The following CCDC169 variants were observed in gnomAD, a reference collection of about 807,000 sequenced individuals.
CCDC169 encodes coiled-coil domain-containing protein 169.
CCDC169 carries 30 observed loss-of-function variants against 36.0 expected under a neutral mutation model. The observed-to-expected ratio is 0.83, with a 90% CI of 0.62 to 1.13. The LOEUF (loss-of-function observed/expected upper bound fraction) is 1.13. Among genes scored for constraint, CCDC169 ranks in the 50% most tolerant of loss-of-function variants. The probability of loss-of-function intolerance (pLI) is 0.00; values close to 1 mark genes in which losing one functional copy is unlikely to be tolerated. For synonymous variants in CCDC169, 85 were observed against 81.5 expected, an observed-to-expected ratio of 1.04 and a Z score of -0.23; for missense variants, 245 against 245.9, an observed-to-expected ratio of 1.00 and a Z score of 0.03.
chr13:36,260,293 C>T (rs1874459645), intron 4 of CCDC169, among the ~76,000 whole-genome samples: 1 of 152,098 alleles, frequency 6.6e-6, no homozygotes, highest in South Asian at 2.1e-4. Flanking sequence ...GAGGTACAGG[C>T]AAAGACATTT....
intron 7 of CCDC169, among the ~76,000 whole-genome samples, chr13:36,243,065 A>T (rs1367473435): frequency 6.6e-6 from 1 of 152,234 alleles, no homozygotes; most frequent in Non-Finnish European, 1.5e-5. Context: ...TCATCCTGCC[A>T]GAGGAAGAAA....
At chr13:36,233,657 T>C (rs142836511) in intron 7 of CCDC169, among the ~76,000 whole-genome samples, 27 of 152,214 alleles carry the variant, frequency 1.8e-4, no homozygotes, top group African/African-American at 6.5e-4. Context: ...AAAAAGAATA[T>C]AAATGCAATG....
intron 7 of CCDC169, among the ~76,000 whole-genome samples, chr13:36,232,957 A>G (rs1469244414): frequency 1.3e-5 from 2 of 152,172 alleles, no homozygotes; most frequent in Non-Finnish European, 2.9e-5. Flanking sequence ...GCCCATACAC[A>G]TGTGTAACTG....
At chr13:36,275,986 C>T (rs1004683206) in intron 4 of CCDC169, among the ~76,000 whole-genome samples, 10 of 152,118 alleles carry the variant, frequency 6.6e-5, no homozygotes, top group African/African-American at 2.4e-4. Flanking sequence ...AAACAATGGC[C>T]CGATGGTTTA....
chr13:36,279,255 A>G (rs566218400), intron 4 of CCDC169, among the ~76,000 whole-genome samples: 1 of 152,164 alleles, frequency 6.6e-6, no homozygotes, highest in South Asian at 2.1e-4. Flanking sequence ...AAATATTTCA[A>G]TAGCTTCTTA....
chr13:36,255,924 C>A (rs966079594), intron 4 of CCDC169, among the ~76,000 whole-genome samples: 4 of 152,202 alleles, frequency 2.6e-5, no homozygotes, highest in Non-Finnish European at 5.9e-5. Context: ...TAGTCTCTTA[C>A]CACCCTTGAC....
chr13:36,266,915 A>G (rs1192425281), intron 4 of CCDC169, among the ~76,000 whole-genome samples: 2 of 152,196 alleles, frequency 1.3e-5, no homozygotes, highest in African/African-American at 2.4e-5. Flanking sequence ...TCGTATCACT[A>G]TCCATACTCC....
chr13:36,282,537 T>C (rs1412794473), intron 4 of CCDC169: 5 of 985,166 alleles, frequency 5.1e-6, no homozygotes, highest in Non-Finnish European at 6.0e-6. Flanking sequence ...GTCCAGAGAA[T>C]AGAGAGGACC....
At chr13:36,241,549 A>G (rs1871818799) in intron 7 of CCDC169, among the ~76,000 whole-genome samples, 1 of 145,778 alleles carries the variant, frequency 6.9e-6, no homozygotes, top group African/African-American at 2.6e-5. Context: ...AGAATTATCC[A>G]TAATGTTGTA....
At chr13:36,242,799 C>T (rs879407876) in intron 7 of CCDC169, among the ~76,000 whole-genome samples, 4 of 152,140 alleles carry the variant, frequency 2.6e-5, no homozygotes, top group South Asian at 2.1e-4. Context: ...CCACCTACCT[C>T]GATGCACCAG....
intron 7 of CCDC169, among the ~76,000 whole-genome samples, chr13:36,232,886 A>T (rs1870601846): frequency 6.6e-6 from 1 of 152,128 alleles, no homozygotes; most frequent in Non-Finnish European, 1.5e-5. Context: ...TGTCTCTAAA[A>T]AAAAGGAAAA....
At chr13:36,252,039 G>A (rs1458840632) in intron 6 of CCDC169, among the ~76,000 whole-genome samples, 1 of 152,176 alleles carries the variant, frequency 6.6e-6, no homozygotes, top group Non-Finnish European at 1.5e-5. Flanking sequence ...GGTAGTAAGT[G>A]CAGAGCTGGG....
intron 7 of CCDC169, among the ~76,000 whole-genome samples, chr13:36,243,090 GTCATGGATAAA>G (rs1473446066): frequency 1.3e-5 from 2 of 152,210 alleles, no homozygotes; most frequent in African/African-American, 4.8e-5. Flanking sequence ...CCATACTTGA[GTCATGGATAAA>G]TCAGCTTGGT....
chr13:36,261,939 A>G (rs1874660424), intron 4 of CCDC169, among the ~76,000 whole-genome samples: 1 of 152,180 alleles, frequency 6.6e-6, no homozygotes. Flanking sequence ...TTTACTCTAA[A>G]TCTGCTTAGG....
At chr13:36,223,052 C>T (rs903504372), downstream of CCDC169, 1 of 152,148 alleles carries the variant, frequency 6.6e-6, no homozygotes, top group Admixed American at 6.5e-5. Context: ...GCTCATTGAA[C>T]ACCATGCAAT....
intron 4 of CCDC169, among the ~76,000 whole-genome samples, chr13:36,257,800 C>T (rs1461920689): frequency 6.6e-6 from 1 of 152,170 alleles, no homozygotes; most frequent in Admixed American, 6.5e-5. Flanking sequence ...CAGTAGCTAG[C>T]CAGTGCCCAG....
chr13:36,251,999 GAAGGAAATT>G (rs886883405), intron 6 of CCDC169, among the ~76,000 whole-genome samples: 11 of 152,222 alleles, frequency 7.2e-5, no homozygotes, highest in Non-Finnish European at 1.5e-4. Context: ...CACAGGTGAG[GAAGGAAATT>G]AAGGCCCAGA....
At chr13:36,222,496 T>A (rs769826697), downstream of CCDC169, 3 of 152,170 alleles carry the variant, frequency 2.0e-5, no homozygotes, top group Non-Finnish European at 4.4e-5. Flanking sequence ...CTGTGAGGCA[T>A]CTGAGGTCCA....
chr13:36,254,116 G>T lies in CCDC169; in HGVS notation c.343C>A (p.Leu115Ile). 1.9e-6 allele frequency: 3 copies of T among 1,544,508 alleles called. No homozygotes were observed. Among genetic ancestry groups the T allele is most frequent in the Non-Finnish European group, 1.7e-6 (2 of 1,144,594 alleles). ...TCAAGAGTCTTCTTTTCTTCTTCTA[G>T]CTGTTTAAGTAATGTGTTTAAGGAT... is the stretch of plus-strand genomic sequence containing the variant. ...VESLNTLLKQLEEEKKTLESQ... is the reference protein window; with the variant it reads ...VESLNTLLKQIEEEKKTLESQ... The change falls in exon 5 of 8, where the codon CTA (leucine) becomes ATA (isoleucine). Residue 115 changes from leucine (L) to isoleucine (I), a missense_variant. Coordinates refer to ENST00000239859, the MANE Select transcript of CCDC169 (RefSeq NM_001144981.3).
Sources: allele counts gnomAD v4.1 joint callset (sites outside exome capture counted in the v4.1 genomes callset), GRCh38; gene constraint gnomAD v4.1.1; transcripts MANE v1.5; gene names NCBI Gene and HGNC (gene_info 2026-07-23, HGNC 2026-07-21).